HORMAD1: variants seen among roughly 807,000 people sequenced by gnomAD.
HORMAD1 encodes HORMA domain containing 1.
HORMAD1 carries 33 observed loss-of-function variants against 58.2 expected under a neutral mutation model. The observed-to-expected ratio is 0.57, with a 90% confidence interval of 0.43 to 0.76. The LOEUF is 0.76. Among genes scored for constraint, HORMAD1 ranks in the 30% least tolerant of loss-of-function variants. The probability of loss-of-function intolerance (pLI) is 0.00; values close to 1 mark genes in which losing one functional copy is unlikely to be tolerated. For synonymous variants in HORMAD1, 137 were observed against 144.6 expected (o/e 0.95, Z 0.38); for missense variants, 363 against 462.0 (o/e 0.79, Z 1.96).
Position 150,717,246 on chromosome 1 carries a change from G to A in HORMAD1, c.70C>T (p.His24Tyr). Reference sequence around the variant, plus strand: ...CTCTTCACTAACACCAAAGACTGGTGTTCAGTTGATATCTTATTGGGAAAT... The same window carrying A: ...CTCTTCACTAACACCAAAGACTGGTATTCAGTTGATATCTTATTGGGAAAT... ...LVFPNKISTE[H>Y]QSLVLVKRLL... The change falls in exon 3 of 15, where the codon CAC becomes TAC. Residue 24 changes from histidine to tyrosine, a missense_variant. By Grantham distance (83) the His-to-Tyr change is moderately conservative. Transcript: ENST00000361824. 6.3e-7 allele frequency: 1 copy of A among 1,589,706 alleles called. No homozygotes were observed. Among genetic ancestry groups the A allele is most frequent in the Non-Finnish European group, 8.6e-7 (1 of 1,165,378 alleles).
intron 6 of HORMAD1, 39 bp from the exon 7 acceptor site, chr1:150,711,610 A>C: frequency 6.8e-7 from 1 of 1,465,020 alleles, no homozygotes; most frequent in East Asian, 2.3e-5. Flanking sequence ...ATCTAAGGCT[A>C]AGTATTCAAG....
intron 12 of HORMAD1, 43 bp downstream of exon 12, chr1:150,704,075 C>T (rs1196544176): frequency 9.7e-6 from 13 of 1,336,558 alleles, no homozygotes; most frequent in Non-Finnish European, 1.3e-5. Flanking sequence ...AGCAACTGTC[C>T]TGTGAACAAA....
At position 150,706,670 on chromosome 1, in the gene HORMAD1, C is replaced by G; in HGVS notation, c.687G>C (p.Glu229Asp). The change falls in exon 10 of 15, where the codon GAG (glutamate) becomes GAC (aspartate). Residue 229 changes from glutamate (E) to aspartate (D), a missense_variant. Around this residue, in one of 3 missense-constraint regions of HORMAD1, gnomAD observed 226 missense variants for 257.8 expected, o/e 0.88. Transcript: ENST00000361824. ...AGTCAATATTTTCCATTCGTTCTCT[C>G]TCAGTGGTCACTTTTACTTTGAAGA... ...FHIFKVKVTT[E>D]RERMENIDST... is the part of the protein sequence containing the mutation. 6.2e-7 allele frequency: 1 copy of G among 1,613,768 alleles called. No individual in the cohort carries two copies. Among genetic ancestry groups the G allele is most frequent in the Non-Finnish European group, 8.5e-7 (1 of 1,179,870 alleles).
intron 3 of HORMAD1, among the ~76,000 whole-genome samples, 184 bp downstream of exon 3, chr1:150,716,954 C>CAAAAAA (rs61024265): frequency 2.2e-5 from 2 of 90,884 alleles, no homozygotes; most frequent in African/African-American, 4.1e-5. Flanking sequence ...GACCCCGTCT[C>CAAAAAA]AAAAAAAAAA....
intron 7 of HORMAD1, among the ~76,000 whole-genome samples, chr1:150,710,446 A>C (rs1651840471): frequency 6.6e-6 from 1 of 152,236 alleles, no homozygotes; most frequent in East Asian, 1.9e-4. Flanking sequence ...TATACAGGGT[A>C]CTTTATAAAG....
intron 9 of HORMAD1, 122 bp downstream of exon 9, chr1:150,708,134 T>C (rs1651754653): frequency 4.7e-6 from 3 of 639,092 alleles, no homozygotes; most frequent in African/African-American, 3.8e-5. Flanking sequence ...ATAGTGATAT[T>C]AAGTGTAAAT....
At chr1:150,711,315 T>C (rs1039735553) in intron 7 of HORMAD1, among the ~76,000 whole-genome samples, 5 of 152,156 alleles carry the variant, frequency 3.3e-5, no homozygotes, top group African/African-American at 1.2e-4. Context: ...TTTGTAAGCT[T>C]TGTGGCCTAA....
At chr1:150,705,855 T>A (rs1255049162) in intron 10 of HORMAD1, among the ~76,000 whole-genome samples, 2 of 152,192 alleles carry the variant, frequency 1.3e-5, no homozygotes, top group Non-Finnish European at 2.9e-5. Context: ...AGTACTGTAG[T>A]CATAATTTAG....
At chr1:150,712,368 C>T (rs1033787699) in intron 5 of HORMAD1, among the ~76,000 whole-genome samples, 1 of 152,060 alleles carries the variant, frequency 6.6e-6, no homozygotes, top group African/African-American at 2.4e-5. Context: ...CACAACCAGT[C>T]CATCAACAAA....
chr1:150,702,531 C>A (rs66958685), intron 13 of HORMAD1, among the ~76,000 whole-genome samples: 33,269 of 152,110 alleles, frequency 0.22, 4,062 homozygotes, highest in Non-Finnish European at 0.27. Flanking sequence ...ACATGCCCAT[C>A]AGTGATAGAC....
At position 150,714,814 on chromosome 1, in the gene HORMAD1, CT is replaced by C. The variant is rs779187272; in HGVS notation, c.179-137del. On this transcript the variant is annotated intron_variant, in intron 3 of 14. Transcript: ENST00000361824. The stretch of plus-strand genomic sequence containing the variant: ...AATTATTATTATTTTGAGACAGGGT[CT>C]CACTCTATCACCCAGGATGGAGTGC... 1.5e-3 allele frequency: 609 copies of C among 401,102 alleles called. 3 individuals are homozygous for C. The highest frequency in any genetic ancestry group is 1.4e-3 in the Non-Finnish European group (324 of 225,422). 24.8% of individuals were successfully genotyped at this position (401,102 alleles called of 1,614,324 possible).
At chr1:150,720,357 G>A (rs914167872) in intron 1 of HORMAD1, among the ~76,000 whole-genome samples, 2 of 152,064 alleles carry the variant, frequency 1.3e-5, no homozygotes, top group Non-Finnish European at 2.9e-5. Context: ...CACCGTGCCC[G>A]GCCGCTAATT....
intron 14 of HORMAD1, 138 bp from the exon 15 acceptor site, chr1:150,698,872 G>A (rs1651450362): frequency 3.9e-6 from 2 of 512,890 alleles, no homozygotes; most frequent in East Asian, 6.5e-5. Context: ...ACTATATCTG[G>A]GTTTCTTAAA....
intron 12 of HORMAD1, among the ~76,000 whole-genome samples, chr1:150,703,762 A>C (rs1460918575): frequency 6.6e-6 from 1 of 152,206 alleles, no homozygotes; most frequent in Non-Finnish European, 1.5e-5. Flanking sequence ...TCAGGATTTT[A>C]CTGTATTTGA....
At chr1:150,699,617 C>G (rs1651476848) in intron 14 of HORMAD1, among the ~76,000 whole-genome samples, 1 of 151,850 alleles carries the variant, frequency 6.6e-6, no homozygotes, top group Non-Finnish European at 1.5e-5. Flanking sequence ...CTCCACCTCC[C>G]AGGTTCAAGC....
chr1:150,706,227 G>A (rs1031449494), intron 10 of HORMAD1, among the ~76,000 whole-genome samples: 4 of 152,114 alleles, frequency 2.6e-5, no homozygotes, highest in African/African-American at 9.7e-5. Flanking sequence ...TTAGACTAGT[G>A]CAATGCTTTT....
chr1:150,719,860 T>G (rs1652192858), intron 1 of HORMAD1, among the ~76,000 whole-genome samples: 1 of 152,206 alleles, frequency 6.6e-6, no homozygotes, highest in Non-Finnish European at 1.5e-5. Context: ...AGGTAGGTAT[T>G]CAGTAATGAA....
At chr1:150,700,758 T>TTC (rs1651512352) in intron 13 of HORMAD1, among the ~76,000 whole-genome samples, 1 of 152,194 alleles carries the variant, frequency 6.6e-6, no homozygotes, top group African/African-American at 2.4e-5. Context: ...TTAGCATGTT[T>TTC]TCAAGGTTCA....
At chr1:150,706,992 T>A (rs1397090906) in intron 9 of HORMAD1, among the ~76,000 whole-genome samples, 183 bp from the exon 10 acceptor site, 1 of 152,204 alleles carries the variant, frequency 6.6e-6, no homozygotes, top group East Asian at 1.9e-4. Flanking sequence ...AAGCTTTGTT[T>A]TCTTCACTTG....
Sources: gnomAD v4.1 joint callset for allele counts (sites outside exome capture counted in the v4.1 genomes callset) on GRCh38, gnomAD v4.1.1 for gene constraint, gnomAD v4.1.1 regional missense constraint, MANE v1.5 for transcripts, NCBI Gene and HGNC (gene_info 2026-07-23, HGNC 2026-07-21) for gene names.